Variants in LRRCC1 observed in about 807,000 individuals in gnomAD.
The protein encoded by LRRCC1 is leucine-rich repeat and coiled-coil domain-containing protein 1.
A neutral mutation model predicts 126.0 loss-of-function variants in LRRCC1; 115 were observed. That is an observed-to-expected ratio of 0.91 (90% CI 0.78 to 1.07). The LOEUF is 1.07. Ranked by LOEUF, LRRCC1 falls within the 50% of genes least tolerant of loss-of-function variation. LRRCC1 has a pLI of 0.00. For missense variants in LRRCC1, 1,172 were observed against 1,175.7 expected, an observed-to-expected ratio of 1.00 and a Z score of 0.05; for synonymous variants, 400 against 393.4, an observed-to-expected ratio of 1.02 and a Z score of -0.20.
At chr8:85,111,604 G>A (rs1290119772) in intron 3 of LRRCC1, among the ~76,000 whole-genome samples, 1 of 151,950 alleles carries the variant, frequency 6.6e-6, no homozygotes, top group African/African-American at 2.4e-5. Flanking sequence ...ACATTATAGT[G>A]GGGAAGAAAA....
intron 1 of LRRCC1, among the ~76,000 whole-genome samples, chr8:85,108,418 G>A (rs915312917): frequency 1.3e-4 from 20 of 152,172 alleles, no homozygotes; most frequent in African/African-American, 4.3e-4. Context: ...ATGAGACTCA[G>A]AATCTATTGA....
At chr8:85,143,728 A>C (rs1200693164) in intron 18 of LRRCC1, among the ~76,000 whole-genome samples, 1 of 152,218 alleles carries the variant, frequency 6.6e-6, no homozygotes, top group Non-Finnish European at 1.5e-5. Context: ...AGGTAATACT[A>C]AATAAGTTAA....
intron 12 of LRRCC1, among the ~76,000 whole-genome samples, chr8:85,134,432 C>T (rs186762619): frequency 5.9e-5 from 9 of 152,254 alleles, no homozygotes; most frequent in Non-Finnish European, 1.2e-4. Flanking sequence ...ATTCTCCTGC[C>T]TCAGCCTCCC....
chr8:85,107,994 T>C (rs1808396756), intron 1 of LRRCC1, among the ~76,000 whole-genome samples: 1 of 152,250 alleles, frequency 6.6e-6, no homozygotes, highest in Non-Finnish European at 1.5e-5. Flanking sequence ...AAGCCCTGAC[T>C]TGTGCAAAGC....
At chr8:85,129,061 G>A in intron 9 of LRRCC1, 114 bp from the exon 10 acceptor site, 1 of 774,458 alleles carries the variant, frequency 1.3e-6, no homozygotes, top group Non-Finnish European at 2.2e-6. Flanking sequence ...TCAAACAGGA[G>A]TTGAGAGCAT....
At chr8:85,130,345 T>C in intron 11 of LRRCC1, among the ~76,000 whole-genome samples, 1 of 151,414 alleles carries the variant, frequency 6.6e-6, no homozygotes, top group Non-Finnish European at 1.5e-5. Context: ...GGTTTCACCA[T>C]GTTAACCAGG....
At chr8:85,117,505 G>A (rs554166882) in intron 6 of LRRCC1, among the ~76,000 whole-genome samples, 2 of 152,244 alleles carry the variant, frequency 1.3e-5, no homozygotes, top group South Asian at 2.1e-4. Context: ...ATTTCATCTC[G>A]AGTATCAATT....
At chr8:85,114,981 A>G (rs948212142) in intron 4 of LRRCC1, 119 bp from the exon 5 acceptor site, 2 of 673,158 alleles carry the variant, frequency 3.0e-6, no homozygotes, top group Non-Finnish European at 4.8e-6. Flanking sequence ...CAAGTTTATT[A>G]TTTGCTTTCT....
chr8:85,107,314 G>C lies in LRRCC1; in HGVS notation c.19G>C (p.Val7Leu), dbSNP rs893626987. Residue 7 changes from valine to leucine, a missense_variant, in exon 1 of 19, where the codon GTG becomes CTG. Val to Leu is a conservative substitution (Grantham distance 32, BLOSUM62 1). Coordinates refer to ENST00000360375, the MANE Select transcript of LRRCC1 (RefSeq NM_033402.5). MEAAAAVVAAEAEVENE... is the reference protein window; with the variant it reads MEAAAALVAAEAEVENE... ...CAGTGCTATGGAGGCGGCGGCGGCG[G>C]TGGTGGCGGCAGAGGCGGAAGTGGA... 3 of 1,612,466 alleles carry C rather than the reference G, an allele frequency of 1.9e-6. No homozygotes were observed. In the African/African-American group the frequency reaches 4.0e-5, roughly 22 times the overall value.
At chr8:85,126,934 A>C in intron 9 of LRRCC1, 97 bp downstream of exon 9, 1 of 1,035,070 alleles carries the variant, frequency 9.7e-7, no homozygotes, top group Non-Finnish European at 1.4e-6. Context: ...TCAATCAACA[A>C]CAATGTATGT....
chr8:85,107,708 C>T (rs1024321492), intron 1 of LRRCC1: 13 of 236,600 alleles, frequency 5.5e-5, no homozygotes, highest in African/African-American at 2.9e-4. Context: ...GCTGGTTTTC[C>T]TTACTTACTG....
At chr8:85,119,878 T>C (rs1809406828) in intron 6 of LRRCC1, among the ~76,000 whole-genome samples, 1 of 152,252 alleles carries the variant, frequency 6.6e-6, no homozygotes, top group African/African-American at 2.4e-5. Context: ...TAAACATTCC[T>C]CTGAGCACTG....
chr8:85,137,904 G>A (rs959855284), intron 15 of LRRCC1, 131 bp from the exon 16 acceptor site: 11 of 574,590 alleles, frequency 1.9e-5, no homozygotes, highest in Non-Finnish European at 3.0e-5. Context: ...TAAGGGTTAG[G>A]AGTCACAAGA....
chr8:85,142,877 T>A (rs983282497), intron 18 of LRRCC1, among the ~76,000 whole-genome samples: 1 of 151,162 alleles, frequency 6.6e-6, no homozygotes, highest in African/African-American at 2.4e-5. Flanking sequence ...TAATCAAGGT[T>A]GTGTGTTTAA....
chr8:85,109,033 C>T (rs1373189063), intron 1 of LRRCC1: 2 of 152,354 alleles, frequency 1.3e-5, no homozygotes, highest in African/African-American at 2.4e-5. Flanking sequence ...AGCTATTGCA[C>T]ACAAAGAAGA....
chr8:85,110,168 G>C lies in LRRCC1; in HGVS notation c.364G>C (p.Asp122His). 7.6e-7 allele frequency: 1 copy of C among 1,308,040 alleles called. No homozygotes were observed. Among genetic ancestry groups the C allele is most frequent in the Non-Finnish European group, 1.1e-6 (1 of 949,584 alleles). The allele number at this position is 1,308,040 out of a possible 1,614,324, so 81.0% of individuals were successfully genotyped here. A position where few individuals can be genotyped will look rare whatever the true frequency, so the allele number is the denominator to read the frequency against. The change falls in exon 3 of 19, where the codon GAT becomes CAT. Residue 122 changes from aspartate to histidine, a missense_variant. Asp to His is a moderately conservative substitution (Grantham distance 81). Coordinates refer to ENST00000360375, the MANE Select transcript of LRRCC1 (RefSeq NM_033402.5). ...ACTAAATGTATCTTATAACCACATA[G>C]ATGATCTTAGTGGTAAGTAGAAATG... is the stretch of plus-strand genomic sequence containing the variant. ...TRLNVSYNHI[D>H]DLSGLIPLHG...
rs1192593325 is a variant in LRRCC1, at chr8:85,138,429, G to A, written c.2794G>A (p.Glu932Lys). 1.2e-6 allele frequency: 2 copies of A among 1,612,664 alleles called. No individual in the cohort carries two copies. Among genetic ancestry groups the A allele is most frequent in the South Asian group, 1.1e-5 (1 of 90,724 alleles). The change falls in exon 17 of 19, where the codon GAA becomes AAA. Residue 932 changes from glutamate to lysine, a missense_variant. Physicochemically the swap from Glu to Lys is moderately conservative, Grantham distance 56 (BLOSUM62 1). Coordinates refer to ENST00000360375, the MANE Select transcript of LRRCC1 (RefSeq NM_033402.5). ...AGTGAAAGAAAAATTTGAAAACAAGGAAAAGAAACTTAAAGCGGAAAGAGA... is the reference window on the plus strand; with the variant it reads ...AGTGAAAGAAAAATTTGAAAACAAGAAAAAGAAACTTAAAGCGGAAAGAGA... ...KEVKEKFENK[E>K]KKLKAERDKS...
intron 8 of LRRCC1, among the ~76,000 whole-genome samples, chr8:85,125,487 A>C (rs1174682476): frequency 2.1e-4 from 31 of 150,182 alleles, no homozygotes; most frequent in Middle Eastern, 3.4e-3. Context: ...TCCCGGCTAA[A>C]ATGGTGAAAC....
intron 7 of LRRCC1, 129 bp from the exon 8 acceptor site, chr8:85,124,663 A>C: frequency 2.0e-6 from 1 of 505,108 alleles, no homozygotes. Flanking sequence ...CAGTTTGTCC[A>C]AGTTACTATA....
Sources: allele counts gnomAD v4.1 joint callset (sites outside exome capture counted in the v4.1 genomes callset), GRCh38; gene constraint gnomAD v4.1.1; transcripts MANE v1.5; gene names NCBI Gene and HGNC (gene_info 2026-07-23, HGNC 2026-07-21).